The following PDE4B variants were observed in gnomAD, a reference collection of about 807,000 sequenced individuals.
PDE4B encodes the protein phosphodiesterase 4B, also known as 3',5'-cyclic-AMP phosphodiesterase 4B.
Under a neutral mutation model 82.2 loss-of-function variants are expected in PDE4B, and 20 were observed. That is an observed-to-expected ratio of 0.24 (90% CI 0.17 to 0.35). PDE4B has a LOEUF of 0.35. Among genes scored for constraint, PDE4B ranks in the 10% least tolerant of loss-of-function variants. The pLI is 1.00. For missense variants in PDE4B, 655 were observed against 907.2 expected, an observed-to-expected ratio of 0.72 and a Z score of 3.57; for synonymous variants, 320 against 318.9, an observed-to-expected ratio of 1.00 and a Z score of -0.04.
At chr1:66,060,649 G>A (rs1250538498) in intron 3 of PDE4B, among the ~76,000 whole-genome samples, 1 of 152,072 alleles carries the variant, frequency 6.6e-6, no homozygotes, top group South Asian at 2.1e-4. Flanking sequence ...AGTTAGTATT[G>A]CCCATTTCTT....
intron 3 of PDE4B, among the ~76,000 whole-genome samples, chr1:65,952,240 C>T (rs2100574148): frequency 1.3e-5 from 2 of 152,144 alleles, no homozygotes; most frequent in East Asian, 1.9e-4. Context: ...ACTTTTGATA[C>T]CACCCCATTA....
At chr1:66,354,351 G>A (rs1172440072) in intron 8 of PDE4B, 4 of 982,166 alleles carry the variant, frequency 4.1e-6, no homozygotes, top group East Asian at 2.3e-4. Context: ...ACTGACTTCA[G>A]ATTTACTTAA....
At position 65,825,705 on chromosome 1, in the gene PDE4B, C is replaced by CCTATCTATCTAT. The variant is rs57327589; in HGVS notation, c.-71+32500_-71+32511dup. On this transcript the variant is annotated intron_variant, in intron 1 of 16. Coordinates refer to ENST00000341517, the MANE Select transcript of PDE4B (RefSeq NM_002600.4). ...TAAAAAAAAATTAAAAACAAAATTA[C>CCTATCTATCTAT]CTATCTATCTATCTATCTATCTATC... Among the ~76,000 whole-genome samples, 191 of 107,436 alleles carry CCTATCTATCTAT rather than the reference C, an allele frequency of 1.8e-3. 1 individual carries two copies. Among genetic ancestry groups the CCTATCTATCTAT allele is most frequent in the East Asian group, 6.4e-3 (29 of 4,510 alleles). 70.5% of individuals were successfully genotyped at this position (107,436 alleles called of 152,430 possible).
chr1:65,937,282 C>T (rs894636065), intron 3 of PDE4B, among the ~76,000 whole-genome samples: 8 of 152,262 alleles, frequency 5.3e-5, no homozygotes, highest in African/African-American at 1.7e-4. Context: ...TGGCGATTTC[C>T]CTGCCTCTGT....
At chr1:66,354,751 T>G (rs2102002241) in intron 8 of PDE4B, 1 of 1,483,876 alleles carries the variant, frequency 6.7e-7, no homozygotes, top group African/African-American at 1.4e-5. Context: ...TATCACTGAA[T>G]CTGCAGGGCT....
At chr1:66,323,803 C>T (rs1028814960) in intron 7 of PDE4B, among the ~76,000 whole-genome samples, 2 of 152,072 alleles carry the variant, frequency 1.3e-5, no homozygotes, top group Non-Finnish European at 2.9e-5. Context: ...GGAATATGAA[C>T]CAAGGCAGTC....
chr1:65,827,069 C>T (rs1211150295), intron 1 of PDE4B, among the ~76,000 whole-genome samples: 2 of 150,980 alleles, frequency 1.3e-5, no homozygotes, highest in Non-Finnish European at 3.0e-5. Flanking sequence ...AAATTCACTG[C>T]GTGTAATCAT....
intron 3 of PDE4B, among the ~76,000 whole-genome samples, chr1:66,044,430 A>T (rs1251850022): frequency 6.6e-6 from 1 of 151,736 alleles, no homozygotes; most frequent in Non-Finnish European, 1.5e-5. Flanking sequence ...ATGTTTTAGA[A>T]GAGAAAAGTA....
At chr1:66,188,544 G>T (rs1309235252) in intron 3 of PDE4B, among the ~76,000 whole-genome samples, 1 of 151,724 alleles carries the variant, frequency 6.6e-6, no homozygotes, top group Non-Finnish European at 1.5e-5. Flanking sequence ...ATATATTTAG[G>T]ATAGTTAGCT....
intron 1 of PDE4B, among the ~76,000 whole-genome samples, chr1:65,794,821 A>G (rs893562287): frequency 1.3e-5 from 2 of 152,208 alleles, no homozygotes; most frequent in African/African-American, 4.8e-5. Context: ...CTGTTTATCT[A>G]TATATCTATC....
intron 3 of PDE4B, among the ~76,000 whole-genome samples, chr1:66,002,996 G>T (rs1651948308): frequency 6.6e-6 from 1 of 152,070 alleles, no homozygotes; most frequent in African/African-American, 2.4e-5. Flanking sequence ...TTAATTATCT[G>T]ACTAAATCTC....
intron 8 of PDE4B, among the ~76,000 whole-genome samples, chr1:66,343,922 A>G (rs915102281): frequency 2.0e-5 from 3 of 152,150 alleles, no homozygotes; most frequent in African/African-American, 7.2e-5. Flanking sequence ...TCCAGTGGCA[A>G]TGTGCATTTC....
chr1:65,902,906 T>C (rs564813880), intron 1 of PDE4B, among the ~76,000 whole-genome samples: 37 of 152,288 alleles, frequency 2.4e-4, no homozygotes, highest in African/African-American at 8.4e-4. Context: ...AGTCTGCAGA[T>C]ATAGGCACTG....
intron 8 of PDE4B, among the ~76,000 whole-genome samples, chr1:66,347,427 C>A (rs1248422065): frequency 6.6e-6 from 1 of 152,174 alleles, no homozygotes; most frequent in Admixed American, 6.5e-5. Context: ...CAACCTGTTA[C>A]AAATTTTCCT....
At chr1:66,139,770 T>C (rs1305466337) in intron 3 of PDE4B, among the ~76,000 whole-genome samples, 2 of 131,578 alleles carry the variant, frequency 1.5e-5, no homozygotes, top group African/African-American at 2.9e-5. Context: ...CAACAACCAA[T>C]GGGCCAAACA....
At chr1:66,137,454 T>C (rs921676352) in intron 3 of PDE4B, among the ~76,000 whole-genome samples, 3 of 152,212 alleles carry the variant, frequency 2.0e-5, no homozygotes, top group African/African-American at 7.2e-5. Flanking sequence ...AAATAGGGGA[T>C]AAGGCTCTGT....
At chr1:66,229,168 C>T (rs1204083437) in intron 3 of PDE4B, among the ~76,000 whole-genome samples, 3 of 97,398 alleles carry the variant, frequency 3.1e-5, no homozygotes, top group Non-Finnish European at 4.4e-5. Flanking sequence ...CCACCATGCC[C>T]GGCTAATTTT....
chr1:66,110,420 T>C (rs997779025), intron 3 of PDE4B, among the ~76,000 whole-genome samples: 1 of 151,950 alleles, frequency 6.6e-6, no homozygotes, highest in Non-Finnish European at 1.5e-5. Context: ...AAAAGGTCAA[T>C]GAATGAACAG....
chr1:66,065,493 C>T (rs1557535980), intron 3 of PDE4B, among the ~76,000 whole-genome samples: 1 of 151,826 alleles, frequency 6.6e-6, no homozygotes, highest in African/African-American at 2.4e-5. Context: ...AACCGGATTA[C>T]TGGAGTTTCA....
Sources: allele counts gnomAD v4.1 joint callset (sites outside exome capture counted in the v4.1 genomes callset), GRCh38; gene constraint gnomAD v4.1.1; transcripts MANE v1.5; gene names NCBI Gene and HGNC (gene_info 2026-07-23, HGNC 2026-07-21).